The following MYL4 variants were observed in gnomAD, a reference collection of about 807,000 sequenced individuals.
MYL4 encodes the protein atrial myosin light chain 1.
Under a neutral mutation model 21.6 loss-of-function variants are expected in MYL4, and 16 were observed. The ratio of observed to expected loss-of-function variants is 0.74; its 90% CI spans 0.50 to 1.12. MYL4 has a LOEUF of 1.12. Among genes scored for constraint, MYL4 ranks in the 50% most tolerant of loss-of-function variants. The pLI is 0.00. For synonymous variants in MYL4, 82 were observed against 95.7 expected, an observed-to-expected ratio of 0.86 and a Z score of 0.83; for missense variants, 249 against 252.9, an observed-to-expected ratio of 0.98 and a Z score of 0.11.
downstream of MYL4, chr17:47,223,812 T>C (rs962231490): frequency 6.6e-6 from 1 of 152,182 alleles, no homozygotes; most frequent in African/African-American, 2.4e-5. Context: ...ATGAGTAGTA[T>C]CTGGGAGCTA....
chr17:47,214,658 C>CT (rs1380727552), intron 2 of MYL4, among the ~76,000 whole-genome samples: 1 of 152,106 alleles, frequency 6.6e-6, no homozygotes, highest in African/African-American at 2.4e-5. Context: ...AATAAAAATC[C>CT]TTTTTTTCCA....
chr17:47,214,842 A>C (rs2064802590), intron 2 of MYL4, among the ~76,000 whole-genome samples: 1 of 152,230 alleles, frequency 6.6e-6, no homozygotes, highest in South Asian at 2.1e-4. Context: ...TGGATTTAAT[A>C]ATATACAGTA....
chr17:47,221,588 C>A, intron 3 of MYL4, 94 bp from the exon 4 acceptor site: 1 of 1,409,512 alleles, frequency 7.1e-7, no homozygotes, highest in Non-Finnish European at 9.7e-7. Flanking sequence ...GCCCTGGGTG[C>A]TGTCAGACTT....
intron 1 of MYL4, among the ~76,000 whole-genome samples, chr17:47,212,806 G>GA (rs2064785804): frequency 6.6e-6 from 1 of 152,124 alleles, no homozygotes; most frequent in Non-Finnish European, 1.5e-5. Flanking sequence ...TGATTTCTTG[G>GA]AAAATCAGAT....
intron 1 of MYL4, among the ~76,000 whole-genome samples, chr17:47,212,069 A>C (rs1030040916): frequency 6.6e-6 from 1 of 152,150 alleles, no homozygotes; most frequent in African/African-American, 2.4e-5. Context: ...TACTAAAAAT[A>C]CAAAAATTAG....
chr17:47,212,135 G>A (rs1296309955), intron 1 of MYL4, among the ~76,000 whole-genome samples: 1 of 152,032 alleles, frequency 6.6e-6, no homozygotes, highest in African/African-American at 2.4e-5. Flanking sequence ...AGAATCGCTT[G>A]AACTTGGGAG....
chr17:47,204,722 C>A (rs1294772518), upstream of MYL4, among the ~76,000 whole-genome samples: 1 of 116,982 alleles, frequency 8.5e-6, no homozygotes, highest in Non-Finnish European at 1.8e-5. Flanking sequence ...CAAAGTGAGA[C>A]CCTGTCTCGA....
intron 1 of MYL4, among the ~76,000 whole-genome samples, chr17:47,203,856 G>C (rs2064717918): frequency 6.6e-6 from 1 of 152,220 alleles, no homozygotes; most frequent in African/African-American, 2.4e-5. Context: ...AAACTCCCAA[G>C]TGTGTCATGC....
chr17:47,193,337 G>A, the MYL4 span, among the ~76,000 whole-genome samples: 10 of 151,260 alleles, frequency 6.6e-5, no homozygotes, highest in African/African-American at 1.9e-4. Flanking sequence ...GCGCTATCTC[G>A]GCTCACTGCA....
chr17:47,217,609 A>G (rs1479832549), intron 2 of MYL4, among the ~76,000 whole-genome samples: 1 of 152,220 alleles, frequency 6.6e-6, no homozygotes, highest in Admixed American at 6.5e-5. Context: ...ACTCAATAAG[A>G]TAATACTAGC....
the MYL4 span, among the ~76,000 whole-genome samples, chr17:47,191,671 A>G: frequency 6.6e-6 from 1 of 152,262 alleles, no homozygotes; most frequent in African/African-American, 2.4e-5. Flanking sequence ...GGGTTTCACC[A>G]TGTTGGCCAG....
chr17:47,225,899 T>C (rs1176352232), downstream of MYL4, among the ~76,000 whole-genome samples: 1 of 147,362 alleles, frequency 6.8e-6, no homozygotes, highest in African/African-American at 2.5e-5. Flanking sequence ...TTATTTTAGG[T>C]TCAGGGGCAC....
rs1362782147 is a variant in MYL4 at position 47,223,039 on chromosome 17, G to C, written c.591G>C (p.Gly197=). ...CCTTTGTCAAGCACATCATGTCAGG[G>C]TGAAGCAGAGTCTTCCAGGTGAGTG... ...YEAFVKHIMS[G] is the part of the protein sequence containing the mutation. The change falls in exon 6 of 7, where the codon GGG becomes GGC. Residue 197 remains glycine (G), a synonymous_variant. Transcript: ENST00000393450. 6.2e-7 allele frequency: 1 copy of C among 1,614,134 alleles called. No homozygotes were observed. Among genetic ancestry groups the C allele is most frequent in the East Asian group, 2.2e-5 (1 of 44,880 alleles).
chr17:47,204,406 A>G (rs1274552497), upstream of MYL4, among the ~76,000 whole-genome samples: 2 of 152,192 alleles, frequency 1.3e-5, no homozygotes, highest in African/African-American at 4.8e-5. Context: ...ATAGGGAGCC[A>G]TGGTCACAGT....
At chr17:47,227,575 G>A (rs1321262446), downstream of MYL4, among the ~76,000 whole-genome samples, 7 of 152,022 alleles carry the variant, frequency 4.6e-5, no homozygotes, top group Non-Finnish European at 8.8e-5. Flanking sequence ...CCCTAGGACC[G>A]CAAGACCAAC....
intron 1 of MYL4, among the ~76,000 whole-genome samples, chr17:47,210,207 G>A (rs1682027171): frequency 2.0e-5 from 3 of 152,138 alleles, no homozygotes; most frequent in African/African-American, 7.2e-5. Flanking sequence ...CCCACCCTGG[G>A]CTGAGACCCT....
At chr17:47,192,120 C>A in the MYL4 span, among the ~76,000 whole-genome samples, 4 of 152,116 alleles carry the variant, frequency 2.6e-5, no homozygotes, top group African/African-American at 9.7e-5. Context: ...TTTGGGAGGC[C>A]AATGCAGACG....
At chr17:47,217,863 G>A (rs902284069) in intron 2 of MYL4, among the ~76,000 whole-genome samples, 8 of 151,936 alleles carry the variant, frequency 5.3e-5, no homozygotes, top group Non-Finnish European at 8.8e-5. Flanking sequence ...GAGAAACCCC[G>A]TCTCTACTAA....
At chr17:47,225,514 A>G (rs1474415807), downstream of MYL4, among the ~76,000 whole-genome samples, 1 of 152,220 alleles carries the variant, frequency 6.6e-6, no homozygotes, top group African/African-American at 2.4e-5. Flanking sequence ...GCCTCTAACT[A>G]GGCTCCTTGG....
Sources: gnomAD v4.1 joint callset for allele counts (sites outside exome capture counted in the v4.1 genomes callset) on GRCh38, gnomAD v4.1.1 for gene constraint, MANE v1.5 for transcripts, NCBI Gene and HGNC (gene_info 2026-07-23, HGNC 2026-07-21) for gene names.